The following LDLRAD3 variants were observed in gnomAD, a reference collection of about 807,000 sequenced individuals.
LDLRAD3 encodes low-density lipoprotein receptor class A domain-containing protein 3.
Under a neutral mutation model 29.4 loss-of-function variants are expected in LDLRAD3, and 20 were observed. The ratio of observed to expected loss-of-function variants is 0.68; its 90% CI spans 0.48 to 0.99. LDLRAD3 has a LOEUF of 0.99. LDLRAD3 is among the 50% of genes least tolerant of loss of function. The probability of loss-of-function intolerance (pLI) is 0.00; values close to 1 mark genes in which losing one functional copy is unlikely to be tolerated. For synonymous variants in LDLRAD3, 157 were observed against 192.7 expected, an observed-to-expected ratio of 0.81 and a Z score of 1.53; for missense variants, 420 against 454.3, an observed-to-expected ratio of 0.92 and a Z score of 0.69.
chr11:36,125,210 C>T (rs1227867970), intron 4 of LDLRAD3, among the ~76,000 whole-genome samples: 1 of 152,162 alleles, frequency 6.6e-6, no homozygotes, highest in Non-Finnish European at 1.5e-5. Context: ...ATACTTGTTT[C>T]ATTCACTTAT....
intron 4 of LDLRAD3, among the ~76,000 whole-genome samples, chr11:36,171,295 C>T (rs1020379921): frequency 1.1e-4 from 17 of 152,062 alleles, no homozygotes; most frequent in Non-Finnish European, 1.9e-4. Flanking sequence ...GAAGCTTTTT[C>T]ATTTAATTAA....
chr11:36,114,629 T>G (rs80243322), intron 4 of LDLRAD3, among the ~76,000 whole-genome samples: 1 of 152,214 alleles, frequency 6.6e-6, no homozygotes, highest in South Asian at 2.1e-4. Context: ...TGCCTTGTCC[T>G]CATTAGCTAA....
intron 4 of LDLRAD3, among the ~76,000 whole-genome samples, chr11:36,158,365 C>G (rs1337785621): frequency 6.6e-6 from 1 of 152,160 alleles, no homozygotes; most frequent in Non-Finnish European, 1.5e-5. Flanking sequence ...GTTCTGTTCA[C>G]TTAGAACACC....
intron 1 of LDLRAD3, among the ~76,000 whole-genome samples, chr11:36,018,546 TA>T (rs145743971): frequency 1.3e-5 from 2 of 152,014 alleles, no homozygotes; most frequent in Admixed American, 6.5e-5. Flanking sequence ...ATGCTATAAA[TA>T]AAAAAAACCC....
Position 36,135,684 on chromosome 11 carries a change from C to T in LDLRAD3, c.454+37223C>T, listed in dbSNP as rs1227395152. Among the ~76,000 whole-genome samples, 4 of 152,210 alleles carry T rather than the reference C, an allele frequency of 2.6e-5. No individual in the cohort carries two copies. In the South Asian group the frequency reaches 6.2e-4, roughly 24 times the overall value. On this transcript the variant is annotated intron_variant, in intron 4 of 5. Coordinates refer to ENST00000315571, the MANE Select transcript of LDLRAD3 (RefSeq NM_174902.4). ...CAGCACTTTGGGAAGCCGAGGCGGG[C>T]GGATCACTTGAGGCCAGGAGTTCAA...
chr11:36,212,636 G>A (rs982642459), intron 4 of LDLRAD3, among the ~76,000 whole-genome samples: 1 of 151,804 alleles, frequency 6.6e-6, no homozygotes, highest in Non-Finnish European at 1.5e-5. Context: ...CCCTGAGTCT[G>A]TGTCTTAGCA....
intron 2 of LDLRAD3, among the ~76,000 whole-genome samples, chr11:36,036,582 A>C (rs947398704): frequency 5.3e-5 from 8 of 152,062 alleles, no homozygotes; most frequent in Non-Finnish European, 8.8e-5. Flanking sequence ...TGGCTGCAGC[A>C]TCTTAAAACC....
intron 4 of LDLRAD3, among the ~76,000 whole-genome samples, chr11:36,165,854 A>C (rs1456208159): frequency 6.6e-6 from 1 of 152,006 alleles, no homozygotes; most frequent in Non-Finnish European, 1.5e-5. Context: ...GGTTTCAAAA[A>C]ATAAGTGATC....
At chr11:35,982,381 C>G (rs533420370) in intron 1 of LDLRAD3, among the ~76,000 whole-genome samples, 2,340 of 152,228 alleles carry the variant, frequency 0.015, 62 homozygotes, top group African/African-American at 0.053. Context: ...AATATCCCCT[C>G]TTTATGAGGA....
intron 1 of LDLRAD3, among the ~76,000 whole-genome samples, chr11:35,990,088 G>A (rs1851668591): frequency 6.6e-6 from 1 of 152,100 alleles, no homozygotes; most frequent in South Asian, 2.1e-4. Flanking sequence ...TTGACATTAT[G>A]TTGAGTCTCA....
intron 4 of LDLRAD3, among the ~76,000 whole-genome samples, chr11:36,191,576 C>A (rs58820393): frequency 0.14 from 7,568 of 52,638 alleles, 660 homozygotes; most frequent in East Asian, 0.18. Context: ...CTCTCTCTCT[C>A]TATATATATA....
In LDLRAD3 at chr11:35,992,572, C is replaced by G. The variant is rs117591695; in HGVS notation, c.47-43531C>G. Reference sequence around the variant, plus strand: ...ATGATTGAACCTTGGAAATATTATGCTAAATGAAAAGAAGCCAGTTACAAA... The same window carrying G: ...ATGATTGAACCTTGGAAATATTATGGTAAATGAAAAGAAGCCAGTTACAAA... On this transcript the variant is annotated intron_variant, in intron 1 of 5. Transcript: ENST00000315571. Among the ~76,000 whole-genome samples the G allele has an allele frequency of 6.1e-3, 931 of 152,282 alleles. 60 individuals are homozygous for G. The East Asian group carries it at 0.14, about 22-fold the overall frequency.
chr11:36,100,908 T>A (rs1853437237), intron 4 of LDLRAD3, among the ~76,000 whole-genome samples: 1 of 152,216 alleles, frequency 6.6e-6, no homozygotes, highest in South Asian at 2.1e-4. Context: ...GATTTTTGCT[T>A]GCCCTTAAGA....
chr11:36,059,503 C>T (rs1462739493), intron 2 of LDLRAD3, among the ~76,000 whole-genome samples: 1 of 152,050 alleles, frequency 6.6e-6, no homozygotes, highest in African/African-American at 2.4e-5. Flanking sequence ...GTACCCTCCC[C>T]TGCCATCCCT....
intron 1 of LDLRAD3, among the ~76,000 whole-genome samples, chr11:35,957,260 G>A (rs1851213636): frequency 6.6e-6 from 1 of 152,174 alleles, no homozygotes. Flanking sequence ...TCTGAATATA[G>A]CATAGACGTT....
intron 4 of LDLRAD3, among the ~76,000 whole-genome samples, chr11:36,193,392 C>T (rs1355129999): frequency 3.3e-5 from 5 of 152,186 alleles, no homozygotes; most frequent in Non-Finnish European, 7.3e-5. Context: ...TGCTGTAGCT[C>T]ATCCTGCATA....
chr11:36,218,134 G>A (rs990107580), intron 4 of LDLRAD3, among the ~76,000 whole-genome samples: 2 of 152,146 alleles, frequency 1.3e-5, no homozygotes, highest in Non-Finnish European at 1.5e-5. Flanking sequence ...TTATGGTGAT[G>A]ATATTATGTT....
intron 4 of LDLRAD3, among the ~76,000 whole-genome samples, chr11:36,222,330 CT>C (rs1259003267): frequency 1.1e-4 from 16 of 152,154 alleles, no homozygotes; most frequent in Admixed American, 1.3e-4. Flanking sequence ...GCCATCCCCC[CT>C]ACTTTCACCT....
intron 2 of LDLRAD3, among the ~76,000 whole-genome samples, chr11:36,061,484 G>A (rs1852699681): frequency 6.6e-6 from 1 of 152,104 alleles, no homozygotes; most frequent in African/African-American, 2.4e-5. Flanking sequence ...TAGTGGAGGT[G>A]ATAGAAGGTG....
Sources: gnomAD v4.1 joint callset for allele counts (sites outside exome capture counted in the v4.1 genomes callset) on GRCh38, gnomAD v4.1.1 for gene constraint, MANE v1.5 for transcripts, NCBI Gene and HGNC (gene_info 2026-07-23, HGNC 2026-07-21) for gene names.